ERGIC1: variants seen among roughly 807,000 people sequenced by gnomAD.
ERGIC1 encodes endoplasmic reticulum-golgi intermediate compartment 1.
Under a neutral mutation model 38.3 loss-of-function variants are expected in ERGIC1, and 19 were observed. That is an observed-to-expected ratio of 0.50 (90% CI 0.35 to 0.73). The LOEUF is 0.73. Among genes scored for constraint, ERGIC1 ranks in the 30% least tolerant of loss-of-function variants. The pLI, the probability that ERGIC1 is intolerant of heterozygous loss-of-function variation, is 0.01. For missense variants in ERGIC1, 294 were observed against 389.2 expected (o/e 0.76, Z 2.06); for synonymous variants, 124 against 157.6 (o/e 0.79, Z 1.60).
chr5:172,890,959 G>A (rs550286546), intron 2 of ERGIC1, among the ~76,000 whole-genome samples: 14 of 152,362 alleles, frequency 9.2e-5, no homozygotes, highest in African/African-American at 3.4e-4. Context: ...CCCCGTGGCA[G>A]GATGCATGTC....
At chr5:172,872,335 TTTTGAGGATCAGA>T (rs1271279151) in intron 1 of ERGIC1, among the ~76,000 whole-genome samples, 2 of 152,190 alleles carry the variant, frequency 1.3e-5, no homozygotes, top group African/African-American at 4.8e-5. Flanking sequence ...CCTTGAATGG[TTTTGAGGATCAGA>T]TTTGAGGATC....
chr5:172,947,879 TG>T (rs1452837094), intron 9 of ERGIC1, among the ~76,000 whole-genome samples: 4 of 54,050 alleles, frequency 7.4e-5, no homozygotes, highest in African/African-American at 1.4e-4. Context: ...ATGTGTTTTG[TG>T]TGTGTGTGTG....
At chr5:172,945,944 A>G (rs1764112003) in intron 9 of ERGIC1, among the ~76,000 whole-genome samples, 1 of 152,224 alleles carries the variant, frequency 6.6e-6, no homozygotes, top group Admixed American at 6.5e-5. Flanking sequence ...TTGGCCTCCC[A>G]AAGTGCAGGG....
intron 1 of ERGIC1, among the ~76,000 whole-genome samples, chr5:172,888,218 G>C (rs556410988): frequency 1.3e-5 from 2 of 152,310 alleles, no homozygotes; most frequent in African/African-American, 4.8e-5. Flanking sequence ...CCAGCACTTT[G>C]GGAGGCCAAG....
rs550780936 is a variant in ERGIC1, at chr5:172,871,988, A to C, written c.21-16711A>C. 9.2e-5 allele frequency among the ~76,000 whole-genome samples: 14 copies of C among 152,138 alleles called. No individual in the cohort carries two copies. The South Asian group carries it at 2.9e-3, about 32-fold the overall frequency. On this transcript the variant is annotated intron_variant, in intron 1 of 9. Coordinates refer to ENST00000393784, the MANE Select transcript of ERGIC1 (RefSeq NM_001031711.3). ...CCCTTTTGCCTGGGATTGTGTGGAG[A>C]GTTTCACCTTTTCATTTGTGAGCCA...
rs1330669724 is a variant in ERGIC1, at chr5:172,909,776, C to A, written c.250+15C>A. ...GCACTGCGAGTGTGAGTACTCCACG[C>A]AGCCCCTCCCTCCAGCAGGACACCT... On this transcript the variant is annotated intron_variant, in intron 4 of 9. Coordinates refer to ENST00000393784, the MANE Select transcript of ERGIC1 (RefSeq NM_001031711.3). The A allele has an allele frequency of 6.2e-7, 1 of 1,609,604 alleles. No individual in the cohort carries two copies. Among genetic ancestry groups the A allele is most frequent in the South Asian group, 1.1e-5 (1 of 90,974 alleles).
In ERGIC1 at chr5:172,947,719, C is replaced by T. The variant is rs560935942; in HGVS notation, c.766-2990C>T. On this transcript the variant is annotated intron_variant, in intron 9 of 9. Coordinates refer to ENST00000393784, the MANE Select transcript of ERGIC1 (RefSeq NM_001031711.3). The stretch of plus-strand genomic sequence containing the variant: ...TCCATGCCCCAGGGCCTCAGTTTCC[C>T]CTCAGGCGATGTGCTTTCCTGTGTA... Among the ~76,000 whole-genome samples, 28 of 152,312 alleles carry T rather than the reference C, an allele frequency of 1.8e-4. 1 individual carries two copies. In the South Asian group the frequency reaches 4.1e-3, roughly 23 times the overall value.
chr5:172,854,119 G>A (rs1208729223), intron 1 of ERGIC1, among the ~76,000 whole-genome samples: 2 of 151,786 alleles, frequency 1.3e-5, no homozygotes, highest in East Asian at 1.9e-4. Flanking sequence ...GGTGGCTCAC[G>A]CCTATAATCC....
rs552182488 is a variant in ERGIC1, at chr5:172,852,526, C to A, written c.20+18093C>A. ...GTGATTAAGAGCTTGATCTCCAGAG[C>A]CCCTCATAGGCCGTCAGTGACATGA... On this transcript the variant is annotated intron_variant, in intron 1 of 9. Transcript: ENST00000393784. Among the ~76,000 whole-genome samples, 12 of 152,326 alleles carry A rather than the reference C, an allele frequency of 7.9e-5. No individual in the cohort carries two copies. The East Asian group carries it at 1.9e-3, about 24-fold the overall frequency.
chr5:172,848,378 T>C (rs183213712), intron 1 of ERGIC1, among the ~76,000 whole-genome samples: 40 of 152,066 alleles, frequency 2.6e-4, no homozygotes, highest in African/African-American at 9.6e-4. Flanking sequence ...CGATAGAGAG[T>C]TTATAGAGAA....
intron 1 of ERGIC1, among the ~76,000 whole-genome samples, chr5:172,863,253 GTCT>G (rs1761765577): frequency 1.3e-5 from 2 of 152,152 alleles, no homozygotes; most frequent in Admixed American, 6.5e-5. Context: ...GCCTGGCCTA[GTCT>G]TCTTTTTACT....
chr5:172,877,612 C>T (rs60327336), intron 1 of ERGIC1, among the ~76,000 whole-genome samples: 1,830 of 151,732 alleles, frequency 0.012, 27 homozygotes, highest in African/African-American at 0.041. Context: ...CAGAATGCAG[C>T]GTTCTGCCTT....
chr5:172,838,650 T>C (rs1761087768), intron 1 of ERGIC1, among the ~76,000 whole-genome samples: 1 of 152,162 alleles, frequency 6.6e-6, no homozygotes, highest in East Asian at 1.9e-4. Context: ...CAGGTTGTTC[T>C]TGAACTCCTG....
chr5:172,948,596 T>A (rs1005469806), intron 9 of ERGIC1, among the ~76,000 whole-genome samples: 2 of 152,206 alleles, frequency 1.3e-5, no homozygotes, highest in African/African-American at 4.8e-5. Flanking sequence ...GACAAGTTAC[T>A]TCCCTCTCTG....
Position 172,888,691 on chromosome 5 carries a change from C to G in ERGIC1, c.21-8C>G. The G allele has an allele frequency of 6.2e-7, 1 of 1,613,878 alleles. No homozygotes were observed. Among genetic ancestry groups the G allele is most frequent in the Non-Finnish European group, 8.5e-7 (1 of 1,179,784 alleles). ...CCACCTCACTCCTGTTCCATTTGCT[C>G]TCCACAGGTTTGACATCTACAGGAA... On this transcript the variant is annotated splice_polypyrimidine_tract_variant and splice_region_variant and intron_variant, in intron 1 of 9. Transcript: ENST00000393784.
chr5:172,910,916 G>A (rs1274573745), intron 4 of ERGIC1, among the ~76,000 whole-genome samples: 1 of 152,140 alleles, frequency 6.6e-6, no homozygotes, highest in Non-Finnish European at 1.5e-5. Context: ...TGTGACCTTG[G>A]CTAGGGTGAC....
chr5:172,943,418 C>T (rs934563973), intron 9 of ERGIC1, among the ~76,000 whole-genome samples: 1 of 151,914 alleles, frequency 6.6e-6, no homozygotes, highest in South Asian at 2.1e-4. Context: ...GCCTCCTCCA[C>T]GACTTTGGTG....
chr5:172,950,431 A>G (rs1764206978), intron 9 of ERGIC1, among the ~76,000 whole-genome samples: 1 of 152,226 alleles, frequency 6.6e-6, no homozygotes, highest in African/African-American at 2.4e-5. Context: ...AAATGGGTCT[A>G]ATAATTCCCT....
chr5:172,941,296 G>C (rs1286595927), intron 9 of ERGIC1, among the ~76,000 whole-genome samples: 2 of 152,014 alleles, frequency 1.3e-5, no homozygotes, highest in Non-Finnish European at 2.9e-5. Context: ...CAGACAGGAT[G>C]AGGGAAAAAA....
Sources: allele counts gnomAD v4.1 joint callset (sites outside exome capture counted in the v4.1 genomes callset), GRCh38; gene constraint gnomAD v4.1.1; transcripts MANE v1.5; gene names NCBI Gene and HGNC (gene_info 2026-07-23, HGNC 2026-07-21).